Variants in C3orf49 observed in about 807,000 individuals in gnomAD.
C3orf49 encodes chromosome 3 open reading frame 49.
A neutral mutation model predicts 13.3 loss-of-function variants in C3orf49; 27 were observed. That is an observed-to-expected ratio of 2.02 (90% CI 1.49 to 2.79). The LOEUF (loss-of-function observed/expected upper bound fraction) is 2.79. C3orf49 is among the 30% of genes most tolerant of loss of function. The pLI, the probability that C3orf49 is intolerant of heterozygous loss-of-function variation, is 0.00. For synonymous variants in C3orf49, 87 were observed against 47.6 expected, an observed-to-expected ratio of 1.83 and a Z score of -3.40; for missense variants, 242 against 134.2, an observed-to-expected ratio of 1.80 and a Z score of -3.97.
chr3:63,826,322 AC>A (rs1171736080), intron 2 of C3orf49, among the ~76,000 whole-genome samples: 1 of 152,218 alleles, frequency 6.6e-6, no homozygotes, highest in Non-Finnish European at 1.5e-5. Context: ...AAGCACCCAT[AC>A]ATTCTTTCAG....
chr3:63,788,508 A>G, the C3orf49 span, among the ~76,000 whole-genome samples: 1 of 152,164 alleles, frequency 6.6e-6, no homozygotes, highest in Non-Finnish European at 1.5e-5. Flanking sequence ...AAGATGAGGA[A>G]GGATAAGGAA....
intron 5 of C3orf49, among the ~76,000 whole-genome samples, chr3:63,842,344 A>T (rs1701780673): frequency 6.6e-6 from 1 of 152,192 alleles, no homozygotes; most frequent in Non-Finnish European, 1.5e-5. Context: ...AGAAAGCAGA[A>T]CCCTTATACA....
chr3:63,838,069 G>A, intron 5 of C3orf49: 1 of 1,583,202 alleles, frequency 6.3e-7, no homozygotes, highest in Non-Finnish European at 8.5e-7. Context: ...CATTCTATAT[G>A]AGAAGGTTTT....
chr3:63,792,736 G>A, the C3orf49 span, among the ~76,000 whole-genome samples: 14 of 152,136 alleles, frequency 9.2e-5, no homozygotes, highest in South Asian at 1.9e-3. Context: ...ACCACAAACC[G>A]ATTAGGTAAA....
At position 63,839,870 on chromosome 3, in the gene C3orf49, T is replaced by C. The variant is rs151214081; in HGVS notation, c.850-5153T>C. The C allele has an allele frequency of 1.2e-5, 12 of 987,326 alleles. No homozygotes were observed. The African/African-American group carries it at 1.3e-4, about 11-fold the overall frequency. 61.2% of individuals were successfully genotyped at this position (987,326 alleles called of 1,614,324 possible). The stretch of plus-strand genomic sequence containing the variant: ...TTCATTTGTTTATTCAAAAGAAAAT[T>C]ATTGAAATGTAAATGCATTTAATGC... On this transcript the variant is annotated intron_variant, in intron 5 of 6. Coordinates refer to ENST00000295896, the MANE Select transcript of C3orf49 (RefSeq NM_001355236.2).
At chr3:63,781,521 T>C in the C3orf49 span, among the ~76,000 whole-genome samples, 1 of 152,336 alleles carries the variant, frequency 6.6e-6, no homozygotes, top group African/African-American at 2.4e-5. Context: ...TTTCCAATTC[T>C]GTGAAGAAAG....
Position 63,827,677 on chromosome 3 carries a change from AACC to A in C3orf49, c.527_529del (p.Thr176del), listed in dbSNP as rs1268477656. On this transcript the variant is annotated inframe_deletion, in exon 3 of 7. Coordinates refer to ENST00000295896, the MANE Select transcript of C3orf49 (RefSeq NM_001355236.2). The stretch of plus-strand genomic sequence containing the variant: ...GAAACACACTCCTTCGGGCCAGGAG[AACC>A]ACCAAGCGGTTATCTGTGACATCTC... 2 of 702,992 alleles carry A rather than the reference AACC, an allele frequency of 2.8e-6. No individual in the cohort carries two copies. The highest frequency in any genetic ancestry group is 5.2e-6 in the Non-Finnish European group (2 of 385,040). 43.5% of individuals were successfully genotyped at this position (702,992 alleles called of 1,614,324 possible).
the C3orf49 span, among the ~76,000 whole-genome samples, chr3:63,795,580 A>G: frequency 1.4e-4 from 21 of 152,014 alleles, no homozygotes; most frequent in African/African-American, 4.3e-4. Context: ...GTCCTGTTCA[A>G]TCTCATTTGC....
intron 1 of C3orf49, among the ~76,000 whole-genome samples, chr3:63,820,414 A>C (rs1701377762): frequency 6.6e-6 from 1 of 152,214 alleles, no homozygotes; most frequent in Non-Finnish European, 1.5e-5. Flanking sequence ...GGTTCTGCTC[A>C]TATCAGAAAT....
chr3:63,824,165 C>T (rs1282686707), intron 2 of C3orf49, among the ~76,000 whole-genome samples: 1 of 151,894 alleles, frequency 6.6e-6, no homozygotes, highest in African/African-American at 2.4e-5. Flanking sequence ...GTGTTCTAAT[C>T]AGTTTAAAGT....
chr3:63,792,642 A>G, the C3orf49 span, among the ~76,000 whole-genome samples: 1 of 152,244 alleles, frequency 6.6e-6, no homozygotes, highest in East Asian at 1.9e-4. Flanking sequence ...ATTATGAATT[A>G]AGAAAAACAA....
chr3:63,839,551 G>A (rs1701712098), intron 5 of C3orf49: 1 of 941,014 alleles, frequency 1.1e-6, no homozygotes, highest in South Asian at 1.4e-5. Context: ...TGACTCCACT[G>A]TACATTTAAG....
chr3:63,824,460 A>G (rs72888216), intron 2 of C3orf49, among the ~76,000 whole-genome samples: 1 of 152,186 alleles, frequency 6.6e-6, no homozygotes, highest in Non-Finnish European at 1.5e-5. Context: ...TTTTGCAACT[A>G]GTATTAATGC....
At chr3:63,842,345 C>G (rs1701780765) in intron 5 of C3orf49, among the ~76,000 whole-genome samples, 1 of 151,966 alleles carries the variant, frequency 6.6e-6, no homozygotes, top group Non-Finnish European at 1.5e-5. Flanking sequence ...GAAAGCAGAA[C>G]CCTTATACAC....
chr3:63,827,283 G>C (rs1397777077), intron 2 of C3orf49: 1 of 197,132 alleles, frequency 5.1e-6, no homozygotes, highest in African/African-American at 2.3e-5. Context: ...GGAGGGCCTT[G>C]CATGTTAGAG....
chr3:63,790,598 CTTTTTTT>C, the C3orf49 span, among the ~76,000 whole-genome samples: 2 of 137,724 alleles, frequency 1.5e-5, no homozygotes, highest in Non-Finnish European at 3.1e-5. Flanking sequence ...ACATCTACCT[CTTTTTTT>C]TTTTTTTTTT....
chr3:63,822,196 C>T (rs1440056598), intron 1 of C3orf49, among the ~76,000 whole-genome samples: 1 of 152,120 alleles, frequency 6.6e-6, no homozygotes, highest in African/African-American at 2.4e-5. Context: ...AGGATGGTCT[C>T]GATCTCCTGA....
chr3:63,780,793 A>G, the C3orf49 span, among the ~76,000 whole-genome samples: 7 of 152,206 alleles, frequency 4.6e-5, no homozygotes, highest in African/African-American at 7.2e-5. Context: ...TCTTCTTTTG[A>G]GAAATGTATG....
chr3:63,811,764 C>T, the C3orf49 span, among the ~76,000 whole-genome samples: 1 of 150,780 alleles, frequency 6.6e-6, no homozygotes, highest in African/African-American at 2.4e-5. Context: ...ATTACAAAGA[C>T]AAATTGTGAA....
Sources: allele counts gnomAD v4.1 joint callset (sites outside exome capture counted in the v4.1 genomes callset), GRCh38; gene constraint gnomAD v4.1.1; transcripts MANE v1.5; gene names NCBI Gene and HGNC (gene_info 2026-07-23, HGNC 2026-07-21).